Variants in ARK2N observed in about 807,000 individuals in gnomAD.
ARK2N encodes arkadia (RNF111) N-terminal like PKA signaling regulator 2N, also known as protein ARK2N.
At chr18:46,177,576 C>G in the ARK2N span, among the ~76,000 whole-genome samples, 1 of 151,664 alleles carries the variant, frequency 6.6e-6, no homozygotes, top group African/African-American at 2.4e-5. Context: ...AGACAGGCGC[C>G]TGCCACCACG....
chr18:46,263,090 A>G, the ARK2N span: 1 of 1,613,768 alleles, frequency 6.2e-7, no homozygotes. Context: ...ACCTTGGATG[A>G]GGATAGCAGG....
At chr18:46,245,500 G>A in the ARK2N span, among the ~76,000 whole-genome samples, 5 of 151,606 alleles carry the variant, frequency 3.3e-5, no homozygotes, top group African/African-American at 1.2e-4. Context: ...GATCCCGGCA[G>A]GTGGAGGTTG....
chr18:46,204,606 C>T, the ARK2N span, among the ~76,000 whole-genome samples: 2 of 152,174 alleles, frequency 1.3e-5, no homozygotes, highest in South Asian at 2.1e-4. Flanking sequence ...TCATGTAGAC[C>T]GTATTTGAGG....
chr18:46,263,351 A>G, the ARK2N span: 1 of 372,428 alleles, frequency 2.7e-6, no homozygotes, highest in Admixed American at 4.2e-5. Context: ...GGAATATAGA[A>G]TGATGAATTT....
At chr18:46,232,623 A>G in the ARK2N span, 4 of 152,212 alleles carry the variant, frequency 2.6e-5, no homozygotes, top group Middle Eastern at 3.4e-3. Context: ...CCCGATTTCT[A>G]TTTTTATTTC....
chr18:46,189,046 C>G, the ARK2N span, among the ~76,000 whole-genome samples: 1 of 151,948 alleles, frequency 6.6e-6, no homozygotes, highest in Non-Finnish European at 1.5e-5. Flanking sequence ...GAAACCCCAT[C>G]ACTATTAAAA....
At chr18:46,202,712 C>T in the ARK2N span, among the ~76,000 whole-genome samples, 1 of 151,302 alleles carries the variant, frequency 6.6e-6, no homozygotes, top group Non-Finnish European at 1.5e-5. Context: ...CGCTTGAACC[C>T]GGGAGGCAGA....
chr18:46,175,090 C>T, the ARK2N span, among the ~76,000 whole-genome samples: 1 of 152,126 alleles, frequency 6.6e-6, no homozygotes, highest in African/African-American at 2.4e-5. Context: ...GCAAGCCATT[C>T]ATTCTCACTT....
chr18:46,217,349 A>G, the ARK2N span: 1 of 152,344 alleles, frequency 6.6e-6, no homozygotes, highest in Non-Finnish European at 1.5e-5. Flanking sequence ...TTCATAGTGG[A>G]AGAAAGATGT....
the ARK2N span, among the ~76,000 whole-genome samples, chr18:46,257,977 A>G: frequency 1.3e-5 from 2 of 150,392 alleles, no homozygotes; most frequent in African/African-American, 4.9e-5. Flanking sequence ...TCCAGGCTGG[A>G]GTGCAGTGAC....
chr18:46,263,030 C>G, the ARK2N span: 4 of 1,614,214 alleles, frequency 2.5e-6, no homozygotes, highest in East Asian at 8.9e-5. Flanking sequence ...TCATGGACTG[C>G]TGTGACTCCC....
the ARK2N span, among the ~76,000 whole-genome samples, chr18:46,238,081 G>A: frequency 6.6e-6 from 1 of 152,118 alleles, no homozygotes; most frequent in Non-Finnish European, 1.5e-5. Context: ...TTCATGGGTA[G>A]GTGATGTCAC....
the ARK2N span, among the ~76,000 whole-genome samples, chr18:46,190,532 C>T: frequency 2.0e-5 from 3 of 151,204 alleles, no homozygotes; most frequent in South Asian, 6.3e-4. Flanking sequence ...TTTCAAAAAA[C>T]CTGCAAATAT....
the ARK2N span, among the ~76,000 whole-genome samples, chr18:46,194,466 G>T: frequency 3.6e-5 from 5 of 137,972 alleles, no homozygotes; most frequent in African/African-American, 1.3e-4. Flanking sequence ...TCTTTTTTTT[G>T]TTTTTTTTTT....
the ARK2N span, among the ~76,000 whole-genome samples, chr18:46,211,512 C>T: frequency 2.0e-5 from 3 of 152,132 alleles, no homozygotes; most frequent in African/African-American, 7.2e-5. Context: ...TTATACAACT[C>T]TCACAATAAG....
the ARK2N span, among the ~76,000 whole-genome samples, chr18:46,247,336 A>C: frequency 2.0e-5 from 3 of 152,230 alleles, 1 homozygote; most frequent in South Asian, 6.2e-4. Context: ...GGTTATTCAG[A>C]AATATTGATG....
chr18:46,197,564 A>G, the ARK2N span, among the ~76,000 whole-genome samples: 3 of 152,238 alleles, frequency 2.0e-5, no homozygotes, highest in African/African-American at 7.2e-5. Context: ...CATTTAATTA[A>G]GTCCAAGTAC....
chr18:46,255,935 T>C, the ARK2N span, among the ~76,000 whole-genome samples: 1 of 152,226 alleles, frequency 6.6e-6, no homozygotes, highest in Non-Finnish European at 1.5e-5. Context: ...CTAGAACTAC[T>C]GATTTCTTCC....
the ARK2N span, among the ~76,000 whole-genome samples, chr18:46,176,721 G>A: frequency 6.6e-6 from 1 of 151,998 alleles, no homozygotes; most frequent in South Asian, 2.1e-4. Flanking sequence ...GGGTTCAAGC[G>A]ATTCTCTTGC....
Sources: gnomAD v4.1 joint callset for allele counts (sites outside exome capture counted in the v4.1 genomes callset) on GRCh38, gnomAD v4.1.1 for gene constraint, MANE v1.5 for transcripts, NCBI Gene and HGNC (gene_info 2026-07-23, HGNC 2026-07-21) for gene names.